UPF3B: variants seen among roughly 807,000 people sequenced by gnomAD.
The protein encoded by UPF3B is regulator of nonsense transcripts 3B.
In UPF3B, 7 loss-of-function variants were observed where a neutral mutation model predicts 40.3. The ratio of observed to expected loss-of-function variants is 0.17; its 90% CI spans 0.10 to 0.33. The LOEUF (loss-of-function observed/expected upper bound fraction) is 0.33, where lower values mean the gene tolerates loss of function less well. UPF3B is among the 10% of genes least tolerant of loss of function. UPF3B has a pLI of 1.00. For synonymous variants in UPF3B, 117 were observed against 117.3 expected (o/e 1.00, Z 0.01); for missense variants, 229 against 358.9 (o/e 0.64, Z 2.93).
chrX:119,825,125 C>A (rs2055967587), intron 3 of UPF3B, among the ~76,000 whole-genome samples: 1 of 111,439 alleles, frequency 9.0e-6, no homozygotes, highest in African/African-American at 3.3e-5. Flanking sequence ...GAAAGAAATA[C>A]CCGAGTGTGG....
chrX:119,826,685 T>G lies in UPF3B; in HGVS notation c.393-3642A>C, dbSNP rs938143439. 7.1e-5 allele frequency among the ~76,000 whole-genome samples: 8 copies of G among 112,216 alleles called. 1 individual carries two copies. Among genetic ancestry groups the G allele is most frequent in the Non-Finnish European group, 7.5e-5 (4 of 53,298 alleles). On this transcript the variant is annotated intron_variant, in intron 3 of 6. Coordinates refer to the UPF3B transcript ENST00000636792. ...ATCTATTAGGTTGCTGCAAAATTAA[T>G]TATTGTTTTTGCCATTGAAAGGAAT... is the stretch of plus-strand genomic sequence containing the variant.
intron 1 of UPF3B, 97 bp downstream of exon 1, chrX:119,852,676 G>T: frequency 8.7e-7 from 1 of 1,143,851 alleles, no homozygotes; most frequent in South Asian, 1.8e-5. Context: ...GATAGAAGGA[G>T]AACCTGAGAA....
intron 4 of UPF3B, among the ~76,000 whole-genome samples, chrX:119,818,251 T>C (rs748754866): frequency 9.1e-6 from 1 of 110,019 alleles, no homozygotes; most frequent in Non-Finnish European, 1.9e-5. Flanking sequence ...GGCAACAGAA[T>C]GAGACTCCGT....
intron 3 of UPF3B, among the ~76,000 whole-genome samples, chrX:119,823,874 C>A (rs998233394): frequency 5.4e-5 from 6 of 111,424 alleles, no homozygotes; most frequent in African/African-American, 2.0e-4. Flanking sequence ...CCAGGCTTGT[C>A]TTGAACTCCT....
chrX:119,812,686 G>A (rs1335989552), intron 5 of UPF3B, among the ~76,000 whole-genome samples: 3 of 111,114 alleles, frequency 2.7e-5, no homozygotes, highest in Admixed American at 9.7e-5. Flanking sequence ...TTAGTTTTTC[G>A]AGGTTGGGCC....
chrX:119,827,795 C>A (rs1295838545), intron 3 of UPF3B, among the ~76,000 whole-genome samples: 1 of 110,794 alleles, frequency 9.0e-6, no homozygotes, highest in African/African-American at 3.3e-5. Flanking sequence ...TGCAGCAGTG[C>A]GATCTGAGCT....
At position 119,851,748 on chromosome X, in the gene UPF3B, CT is replaced by C. The variant is rs55712755; in HGVS notation, c.263+18del. 155,017 of 478,816 alleles carry C rather than the reference CT, an allele frequency of 0.32. 5,551 individuals are homozygous for C. Among genetic ancestry groups the C allele is most frequent in the Non-Finnish European group, 0.36 (126,412 of 347,248 alleles). 39.5% of individuals were successfully genotyped at this position (478,816 alleles called of 1,213,427 possible). A position where few individuals can be genotyped will look rare whatever the true frequency, so the allele number is the denominator to read the frequency against. On this transcript the variant is annotated intron_variant, in intron 2 of 10. Coordinates refer to ENST00000276201, the MANE Select transcript of UPF3B (RefSeq NM_080632.3). ...GAAACCTTTTTCATTTACCCCTTTC[CT>C]TTTTTTTTTTTTTTTACCTCGTATC...
chrX:119,822,444 C>T (rs2055930658), intron 4 of UPF3B, among the ~76,000 whole-genome samples: 1 of 112,870 alleles, frequency 8.9e-6, no homozygotes, highest in Non-Finnish European at 1.9e-5. Context: ...TGACATTTCC[C>T]CTGCAAATTG....
rs780066959 is a variant in UPF3B at position 119,834,560 on chromosome X, T to C, written c.*318A>G. ...TTTGATTTTAGAACCAGCTCTTACT[T>C]TTCTCTCGTGTCATATGTGATGAAG... is the stretch of plus-strand genomic sequence containing the variant. On this transcript the variant is annotated 3_prime_UTR_variant, in exon 11 of 11. Coordinates refer to ENST00000276201, the MANE Select transcript of UPF3B (RefSeq NM_080632.3). 47 of 935,200 alleles carry C rather than the reference T, an allele frequency of 5.0e-5. No homozygotes were observed. The South Asian group carries it at 1.1e-3, about 23-fold the overall frequency. 77.1% of individuals were successfully genotyped at this position (935,200 alleles called of 1,213,427 possible).
downstream of UPF3B, chrX:119,831,731 G>A: frequency 1.3e-6 from 1 of 754,061 alleles, no homozygotes; most frequent in Non-Finnish European, 1.6e-6. Flanking sequence ...TTGAACTCCT[G>A]GATGGTAAGA....
intron 3 of UPF3B, among the ~76,000 whole-genome samples, chrX:119,845,954 T>TTATGTATACATTTCATAATGTATA (rs2056223171): frequency 3.6e-5 from 4 of 109,871 alleles, no homozygotes; most frequent in African/African-American, 1.0e-4. Context: ...TATGTATACA[T>TTATGTATACATTTCATAATGTATA]TATGTATACA....
chrX:119,806,827 A>G (rs773314099), intron 6 of UPF3B, among the ~76,000 whole-genome samples: 22 of 109,368 alleles, frequency 2.0e-4, no homozygotes, highest in African/African-American at 7.3e-4. Context: ...TCAGGAGTTC[A>G]AGACCAGCGT....
At chrX:119,824,711 T>A (rs781023683) in intron 3 of UPF3B, among the ~76,000 whole-genome samples, 1 of 110,835 alleles carries the variant, frequency 9.0e-6, no homozygotes, top group South Asian at 3.8e-4. Context: ...TACTTTCTTA[T>A]ATTTAAAATA....
At chrX:119,834,000 A>G (rs1225302984), downstream of UPF3B, 2 of 748,551 alleles carry the variant, frequency 2.7e-6, no homozygotes, top group Non-Finnish European at 3.1e-6. Flanking sequence ...GCTATTTAGT[A>G]AAGTTAATAA....
intron 3 of UPF3B, among the ~76,000 whole-genome samples, chrX:119,846,505 T>TAAAAAAAAAAAAAAA (rs780880120): frequency 1.7e-5 from 1 of 58,066 alleles, no homozygotes; most frequent in African/African-American, 5.3e-5. Flanking sequence ...TCGAGCCTGG[T>TAAAAAAAAAAAAAAA]AAAAAAAAAA....
intron 3 of UPF3B, among the ~76,000 whole-genome samples, chrX:119,845,639 G>A (rs1603371510): frequency 8.9e-6 from 1 of 111,957 alleles, no homozygotes; most frequent in East Asian, 2.8e-4. Context: ...GAGACAGAAC[G>A]TAGAGTAGTA....
intron 1 of UPF3B, 83 bp downstream of exon 1, chrX:119,852,690 A>C (rs900850705): frequency 1.7e-6 from 2 of 1,176,650 alleles, no homozygotes; most frequent in African/African-American, 3.5e-5. Context: ...CTGAGAAAGA[A>C]AGGGGGCAGC....
chrX:119,844,383 A>G (rs2056202368), intron 4 of UPF3B, among the ~76,000 whole-genome samples: 1 of 110,520 alleles, frequency 9.0e-6, no homozygotes, highest in African/African-American at 3.3e-5. Flanking sequence ...ACCTAATACT[A>G]TGTGTGTAGC....
At chrX:119,840,764 C>A in intron 7 of UPF3B, 80 bp from the exon 8 acceptor site, 1 of 986,904 alleles carries the variant, frequency 1.0e-6, no homozygotes, top group South Asian at 2.0e-5. Flanking sequence ...AACCATAAAT[C>A]ATGCCAGCCA....
Sources: gnomAD v4.1 joint callset for allele counts (sites outside exome capture counted in the v4.1 genomes callset) on GRCh38, gnomAD v4.1.1 for gene constraint, MANE v1.5 for transcripts, NCBI Gene and HGNC (gene_info 2026-07-23, HGNC 2026-07-21) for gene names.